PKHD1: variants seen among roughly 807,000 people sequenced by gnomAD.
The protein encoded by PKHD1 is fibrocystin.
PKHD1 carries 291 observed loss-of-function variants against 412.0 expected under a neutral mutation model. The ratio of observed to expected loss-of-function variants is 0.71; its 90% confidence interval spans 0.64 to 0.78. PKHD1 has a LOEUF of 0.78. Ranked by LOEUF, PKHD1 falls within the 30% of genes least tolerant of loss-of-function variation. The pLI is 0.00. For missense variants in PKHD1, 4,825 were observed against 4,950.7 expected (o/e 0.97, Z 0.76); for synonymous variants, 1,777 against 1,821.5 (o/e 0.98, Z 0.62).
intron 60 of PKHD1, among the ~76,000 whole-genome samples, chr6:51,704,240 A>G (rs1779761706): frequency 6.6e-6 from 1 of 151,990 alleles, no homozygotes; most frequent in African/African-American, 2.4e-5. Context: ...CCAGAGGTAC[A>G]GAGGCCTCAA....
intron 28 of PKHD1, 104 bp downstream of exon 28, chr6:52,035,487 G>A: frequency 8.8e-7 from 1 of 1,137,070 alleles, no homozygotes; most frequent in Non-Finnish European, 1.3e-6. Context: ...ATAATGAGAA[G>A]TTTACATCAG....
intron 54 of PKHD1, among the ~76,000 whole-genome samples, chr6:51,774,158 C>A (rs1439513087): frequency 6.6e-6 from 1 of 151,850 alleles, no homozygotes; most frequent in Non-Finnish European, 1.5e-5. Context: ...ACCAGAAAAG[C>A]AGATTTCTTG....
chr6:51,696,456 A>G (rs1582136630), intron 60 of PKHD1, among the ~76,000 whole-genome samples: 1 of 152,310 alleles, frequency 6.6e-6, no homozygotes, highest in Non-Finnish European at 1.5e-5. Context: ...ATGTCTAGAA[A>G]GTGGCTATCT....
At chr6:51,870,395 A>T in intron 47 of PKHD1, 109 bp downstream of exon 47, 2 of 975,700 alleles carry the variant, frequency 2.0e-6, no homozygotes, top group Non-Finnish European at 3.2e-6. Flanking sequence ...TACTGATGCA[A>T]TCTTATAACT....
chr6:51,744,141 G>A (rs1277559827), intron 60 of PKHD1, among the ~76,000 whole-genome samples: 7 of 152,248 alleles, frequency 4.6e-5, no homozygotes, highest in Non-Finnish European at 8.8e-5. Context: ...GTTGGGCATT[G>A]AGAATCTGCA....
chr6:51,770,944 T>C (rs1477276353), intron 55 of PKHD1, among the ~76,000 whole-genome samples: 1 of 151,936 alleles, frequency 6.6e-6, no homozygotes, highest in Non-Finnish European at 1.5e-5. Flanking sequence ...ATAATGTGGG[T>C]GGGCCTCATC....
chr6:51,930,094 CA>C (rs1786332823), intron 37 of PKHD1, among the ~76,000 whole-genome samples: 1 of 152,176 alleles, frequency 6.6e-6, no homozygotes, highest in African/African-American at 2.4e-5. Context: ...AGGCTGACAG[CA>C]ACCCACTTGA....
At chr6:51,896,450 G>A (rs1269805493) in intron 43 of PKHD1, among the ~76,000 whole-genome samples, 2 of 152,018 alleles carry the variant, frequency 1.3e-5, no homozygotes, top group Non-Finnish European at 2.9e-5. Flanking sequence ...TGCAGCTGAG[G>A]GTCCTGTCTG....
rs567413381 is a variant in PKHD1, at chr6:52,056,606, A to T, written c.1693+92T>A. ...CATATTTTTTTTTTACTCTGTTATCACCTTGGAGAGGAAATGGGGATTGTT... is the reference window on the plus strand; with the variant it reads ...CATATTTTTTTTTTACTCTGTTATCTCCTTGGAGAGGAAATGGGGATTGTT... On this transcript the variant is annotated intron_variant, in intron 18 of 66. Transcript: ENST00000371117. 4.7e-5 allele frequency: 47 copies of T among 1,000,808 alleles called. 1 individual carries two copies. The African/African-American group carries it at 6.7e-4, about 14-fold the overall frequency. 62.0% of individuals were successfully genotyped at this position (1,000,808 alleles called of 1,614,324 possible). A position where few individuals can be genotyped will look rare whatever the true frequency, so the allele number is the denominator to read the frequency against.
intron 52 of PKHD1, among the ~76,000 whole-genome samples, chr6:51,828,215 A>G (rs1411893929): frequency 2.0e-5 from 3 of 152,088 alleles, no homozygotes; most frequent in African/African-American, 4.8e-5. Flanking sequence ...GATACAATGA[A>G]GAGTTAGAAC....
At chr6:52,032,860 T>C (rs533193865) in intron 29 of PKHD1, among the ~76,000 whole-genome samples, 170 bp downstream of exon 29, 16 of 152,262 alleles carry the variant, frequency 1.1e-4, no homozygotes, top group African/African-American at 3.9e-4. Context: ...GATGGAAAAG[T>C]AGATATCAGG....
intron 60 of PKHD1, among the ~76,000 whole-genome samples, chr6:51,686,924 T>A (rs1195134250): frequency 1.3e-5 from 2 of 152,208 alleles, no homozygotes; most frequent in African/African-American, 4.8e-5. Flanking sequence ...TTGCAAGGAC[T>A]GTATATTTCA....
chr6:51,852,753 T>C (rs1206874473), intron 49 of PKHD1, among the ~76,000 whole-genome samples: 1 of 151,870 alleles, frequency 6.6e-6, no homozygotes, highest in Non-Finnish European at 1.5e-5. Flanking sequence ...TTTCTTTCCA[T>C]TTGCTTGGTA....
chr6:51,761,613 A>C (rs538432029), intron 55 of PKHD1, among the ~76,000 whole-genome samples: 2 of 152,074 alleles, frequency 1.3e-5, no homozygotes, highest in African/African-American at 4.8e-5. Flanking sequence ...AAAAAAGATA[A>C]CTATATGAGA....
chr6:51,740,044 C>A (rs751752191), intron 60 of PKHD1: 1 of 518,584 alleles, frequency 1.9e-6, no homozygotes, highest in South Asian at 1.4e-5. Context: ...ATGTTCAGAT[C>A]ATCAGATGCC....
chr6:51,807,612 A>T (rs1764046977), intron 52 of PKHD1, among the ~76,000 whole-genome samples: 1 of 151,252 alleles, frequency 6.6e-6, no homozygotes, highest in South Asian at 2.1e-4. Context: ...AAAAGTAACT[A>T]ATGAGAATTA....
intron 52 of PKHD1, among the ~76,000 whole-genome samples, chr6:51,819,736 A>G (rs1222452901): frequency 6.6e-6 from 1 of 152,106 alleles, no homozygotes; most frequent in Non-Finnish European, 1.5e-5. Context: ...TGATTTCTGA[A>G]CTCTGTTTTC....
chr6:52,083,065 T>C (rs1812273551), intron 3 of PKHD1, 113 bp downstream of exon 3: 1 of 789,554 alleles, frequency 1.3e-6, no homozygotes, highest in African/African-American at 1.7e-5. Flanking sequence ...TCGTCTCCCT[T>C]CAGGCCCACT....
At position 51,959,852 on chromosome 6, in the gene PKHD1, C is replaced by T. The variant is rs1791732260; in HGVS notation, c.5908+18G>A. The T allele has an allele frequency of 6.2e-7, 1 of 1,607,772 alleles. No homozygotes were observed. On this transcript the variant is annotated intron_variant, in intron 36 of 66. Coordinates refer to ENST00000371117, the MANE Select transcript of PKHD1 (RefSeq NM_138694.4). Reference sequence around the variant, plus strand: ...TAATCATATAGAATAATATTACCAACCTACAAACTTCACACACCTTTAATG... The same window carrying T: ...TAATCATATAGAATAATATTACCAATCTACAAACTTCACACACCTTTAATG...
Sources: allele counts gnomAD v4.1 joint callset (sites outside exome capture counted in the v4.1 genomes callset), GRCh38; gene constraint gnomAD v4.1.1; transcripts MANE v1.5; gene names NCBI Gene and HGNC (gene_info 2026-07-23, HGNC 2026-07-21).